The following PCDHGA5 variants were observed in gnomAD, a reference collection of about 807,000 sequenced individuals.
The protein encoded by PCDHGA5 is protocadherin gamma subfamily A, 5.
A neutral mutation model predicts 56.7 loss-of-function variants in PCDHGA5; 36 were observed. That is an observed-to-expected ratio of 0.64 (90% CI 0.49 to 0.84). The LOEUF (loss-of-function observed/expected upper bound fraction) is 0.84, where lower values mean the gene tolerates loss of function less well. Among genes scored for constraint, PCDHGA5 ranks in the 40% least tolerant of loss-of-function variants. The pLI, the probability that PCDHGA5 is intolerant of heterozygous loss-of-function variation, is 0.00. For missense variants in PCDHGA5, 1,305 were observed against 1,201.5 expected (o/e 1.09, Z -1.27); for synonymous variants, 563 against 520.2 (o/e 1.08, Z -1.12).
intron 1 of PCDHGA5, chr5:141,391,513 C>T (rs1485140932): frequency 6.6e-6 from 1 of 152,096 alleles, no homozygotes; most frequent in Non-Finnish European, 1.5e-5. Flanking sequence ...TATTTTCTTT[C>T]ACTAATTTAA....
chr5:141,500,901 G>T (rs984072329), intron 2 of PCDHGA5, among the ~76,000 whole-genome samples: 1 of 144,582 alleles, frequency 6.9e-6, no homozygotes, highest in Non-Finnish European at 1.5e-5. Context: ...AGACAGTCTC[G>T]CTCTGTCTCC....
In PCDHGA5 at chr5:141,430,746, G is replaced by A. The variant is rs369205374; in HGVS notation, c.2421+63995G>A. ...TAAGGGCAGAATTGAAAATAATTCTGGAGGAAGATAAGAATGATTCCTGCG... is the reference window on the plus strand; with the variant it reads ...TAAGGGCAGAATTGAAAATAATTCTAGAGGAAGATAAGAATGATTCCTGCG... On this transcript the variant is annotated intron_variant, in intron 1 of 3. Coordinates refer to ENST00000518069, the MANE Select transcript of PCDHGA5 (RefSeq NM_018918.3). 3.3e-5 allele frequency: 49 copies of A among 1,500,684 alleles called. No homozygotes were observed. The African/African-American group carries it at 6.3e-4, about 19-fold the overall frequency. The allele number at this position is 1,500,684 out of a possible 1,614,324, so 93.0% of individuals were successfully genotyped here.
chr5:141,490,993 C>G lies in PCDHGA5; in HGVS notation c.2422-3814C>G, dbSNP rs746618787. 1.9e-6 allele frequency: 3 copies of G among 1,614,140 alleles called. No individual in the cohort carries two copies. Among genetic ancestry groups the G allele is most frequent in the Non-Finnish European group, 2.5e-6 (3 of 1,180,030 alleles). On this transcript the variant is annotated intron_variant, in intron 1 of 3. Coordinates refer to ENST00000518069, the MANE Select transcript of PCDHGA5 (RefSeq NM_018918.3). The surrounding 1 kb of genome is among the most constrained non-coding windows in gnomAD (Gnocchi z 5.4). ...CCAGCGTCTCCCTCGCTCTGCTCCT[C>G]CTGGCTCCTTGGTCACCAAGGTGAC...
chr5:141,488,985 C>G lies in PCDHGA5; in HGVS notation c.2422-5822C>G, dbSNP rs574857958. On this transcript the variant is annotated intron_variant, in intron 1 of 3. Transcript: ENST00000518069. ...ACTTTTTGGCCAATCAGACTCAGAG[C>G]TGAGGTGGGAGATCTGCTCTTCCAG... The G allele has an allele frequency of 7.4e-6, 3 of 405,188 alleles. No homozygotes were observed. In the South Asian group the frequency reaches 2.4e-4, roughly 32 times the overall value. The allele number at this position is 405,188 out of a possible 1,614,324, so 25.1% of individuals were successfully genotyped here.
chr5:141,395,190 A>T (rs769197632), intron 1 of PCDHGA5: 1 of 1,614,028 alleles, frequency 6.2e-7, no homozygotes, highest in East Asian at 2.2e-5. Context: ...TTCTTTGTTA[A>T]CATCCGTAGA....
rs748950800 is a variant in PCDHGA5, at chr5:141,476,983, C to T, written c.2422-17824C>T. ...ACTCCTTCGGCAGCCACAACCGCGC[C>T]GGCGTGCGGCAACTATTCGCCTTAG... On this transcript the variant is annotated intron_variant, in intron 1 of 3. Transcript: ENST00000518069. The surrounding 1 kb of genome is among the most constrained non-coding windows in gnomAD (Gnocchi z 7.6). 12 of 1,614,096 alleles carry T rather than the reference C, an allele frequency of 7.4e-6. No individual in the cohort carries two copies. The highest frequency in any genetic ancestry group is 8.5e-7 in the Non-Finnish European group (1 of 1,180,046).
At chr5:141,462,596 A>G (rs1260411284) in intron 1 of PCDHGA5, among the ~76,000 whole-genome samples, 5 of 151,922 alleles carry the variant, frequency 3.3e-5, no homozygotes, top group African/African-American at 1.2e-4. Flanking sequence ...TTTCCATTTC[A>G]TATATTGTAT....
chr5:141,486,722 G>C lies in PCDHGA5; in HGVS notation c.2422-8085G>C, dbSNP rs1235454839. The C allele has an allele frequency of 6.2e-7, 1 of 1,614,200 alleles. No homozygotes were observed. Among genetic ancestry groups the C allele is most frequent in the East Asian group, 2.2e-5 (1 of 44,874 alleles). ...CTCTCTGAACCCCCAGACAGGAGCT[G>C]TTCATGCTACTCGATCCTTTGACTA... On this transcript the variant is annotated intron_variant, in intron 1 of 3. Transcript: ENST00000518069. This position sits in a 1 kb window ranked among gnomAD's most constrained non-coding sequence, Gnocchi z 5.0.
At chr5:141,418,794 TAGAA>T in intron 1 of PCDHGA5, 1 of 1,613,706 alleles carries the variant, frequency 6.2e-7, no homozygotes, top group South Asian at 1.1e-5. Flanking sequence ...TTTGAAGAAG[TAGAA>T]AGATATACGA....
At chr5:141,472,453 T>C (rs2099281194) in intron 1 of PCDHGA5, among the ~76,000 whole-genome samples, 1 of 151,726 alleles carries the variant, frequency 6.6e-6, no homozygotes, top group African/African-American at 2.4e-5. Flanking sequence ...GGCAGGAGAA[T>C]CGCTTGAACC....
chr5:141,500,501 G>T (rs571735791), intron 2 of PCDHGA5, among the ~76,000 whole-genome samples: 6 of 152,176 alleles, frequency 3.9e-5, no homozygotes, highest in Non-Finnish European at 8.8e-5. Context: ...GAGCCACCGC[G>T]CCTGGCCGAG....
Position 141,490,916 on chromosome 5 carries a change from A to C in PCDHGA5, c.2422-3891A>C. 1 of 1,613,724 alleles carries C rather than the reference A, an allele frequency of 6.2e-7. No homozygotes were observed. Among genetic ancestry groups the C allele is most frequent in the Non-Finnish European group, 8.5e-7 (1 of 1,179,736 alleles). ...CATGTGTTTGTCCTAGACGAGAATG[A>C]TAATGCCCCAGCTGTGCTGCACCCA... is the stretch of plus-strand genomic sequence containing the variant. On this transcript the variant is annotated intron_variant, in intron 1 of 3. Transcript: ENST00000518069. This position sits in a 1 kb window ranked among gnomAD's most constrained non-coding sequence, Gnocchi z 5.4.
Position 141,491,067 on chromosome 5 carries a change from G to A in PCDHGA5, c.2422-3740G>A, listed in dbSNP as rs752758445. On this transcript the variant is annotated intron_variant, in intron 1 of 3. Coordinates refer to ENST00000518069, the MANE Select transcript of PCDHGA5 (RefSeq NM_018918.3). This position sits in a 1 kb window ranked among gnomAD's most constrained non-coding sequence, Gnocchi z 6.9. ...ACAATGCGTGGCTCTCCTACTCACT[G>A]TTGCCACAGTCCACAGCCCCAGGAC... is the stretch of plus-strand genomic sequence containing the variant. 6.2e-7 allele frequency: 1 copy of A among 1,614,200 alleles called. No individual in the cohort carries two copies. Among genetic ancestry groups the A allele is most frequent in the East Asian group, 2.2e-5 (1 of 44,892 alleles).
intron 2 of PCDHGA5, among the ~76,000 whole-genome samples, chr5:141,501,026 G>A (rs1053442173): frequency 7.9e-5 from 12 of 151,608 alleles, no homozygotes; most frequent in Non-Finnish European, 1.5e-4. Flanking sequence ...GCGCCACCAC[G>A]CCCAGCTAAT....
At chr5:141,424,720 G>A (rs530298674) in intron 1 of PCDHGA5, 4 of 152,090 alleles carry the variant, frequency 2.6e-5, no homozygotes, top group Non-Finnish European at 4.4e-5. Flanking sequence ...GTGTAGTTGG[G>A]AGTCATAGAT....
chr5:141,505,911 A>C (rs2099849083), intron 3 of PCDHGA5, among the ~76,000 whole-genome samples: 1 of 152,154 alleles, frequency 6.6e-6, no homozygotes, highest in South Asian at 2.1e-4. Flanking sequence ...CAAAGCATAG[A>C]GTTCTGGGCC....
chr5:141,446,757 G>A (rs769049265), intron 1 of PCDHGA5, among the ~76,000 whole-genome samples: 10 of 152,158 alleles, frequency 6.6e-5, no homozygotes, highest in African/African-American at 1.4e-4. Context: ...GTGAGCCACC[G>A]CGCCCAGCCG....
At chr5:141,398,743 A>C (rs770231078) in intron 1 of PCDHGA5, 2 of 1,613,864 alleles carry the variant, frequency 1.2e-6, no homozygotes, top group Admixed American at 3.3e-5. Flanking sequence ...GGAACAACAG[A>C]GTTACCATCG....
intron 1 of PCDHGA5, among the ~76,000 whole-genome samples, chr5:141,470,664 G>A (rs1308061207): frequency 6.6e-6 from 1 of 151,882 alleles, no homozygotes; most frequent in Non-Finnish European, 1.5e-5. Context: ...CTTTGGTTAG[G>A]GCTCTGCTGT....
Sources: gnomAD v4.1 joint callset for allele counts (sites outside exome capture counted in the v4.1 genomes callset) on GRCh38, gnomAD v4.1.1 for gene constraint, Gnocchi (gnomAD v3.1) non-coding constraint, MANE v1.5 for transcripts, NCBI Gene and HGNC (gene_info 2026-07-23, HGNC 2026-07-21) for gene names.